The following UTP14A variants were observed in gnomAD, a reference collection of about 807,000 sequenced individuals.
The protein encoded by UTP14A is UTP14A small subunit processome component.
UTP14A carries 5 observed loss-of-function variants against 57.2 expected under a neutral mutation model. The ratio of observed to expected loss-of-function variants is 0.09; its 90% CI spans 0.05 to 0.18. The LOEUF is 0.18. Among genes scored for constraint, UTP14A ranks in the 10% least tolerant of loss-of-function variants. The pLI is 1.00. For missense variants in UTP14A, 430 were observed against 562.1 expected, an observed-to-expected ratio of 0.76 and a Z score of 2.38; for synonymous variants, 169 against 210.9, an observed-to-expected ratio of 0.80 and a Z score of 1.72.
chrX:129,925,256 A>G, intron 12 of UTP14A, 61 bp downstream of exon 12: 1 of 1,159,146 alleles, frequency 8.6e-7, no homozygotes, highest in Non-Finnish European at 1.2e-6. Flanking sequence ...GCAAGGAGTA[A>G]TGAAGCTTTG....
chrX:129,929,196 T>C (rs1340654235), intron 14 of UTP14A, 140 bp from the exon 15 acceptor site: 2 of 785,281 alleles, frequency 2.5e-6, no homozygotes, highest in South Asian at 2.7e-5. Flanking sequence ...TGGGACGCCT[T>C]GACCTCTCAG....
chrX:129,911,685 C>T, intron 5 of UTP14A, 81 bp from the exon 6 acceptor site: 1 of 1,100,313 alleles, frequency 9.1e-7, no homozygotes, highest in South Asian at 2.0e-5. Flanking sequence ...AGAAATGTTG[C>T]TTCCTAATTT....
chrX:129,919,757 T>G (rs763202404), intron 8 of UTP14A, among the ~76,000 whole-genome samples: 1 of 112,178 alleles, frequency 8.9e-6, no homozygotes, highest in Admixed American at 9.5e-5. Context: ...TTAAGGCCAA[T>G]AGGGCTTCCT....
chrX:129,920,782 T>G lies in UTP14A; in HGVS notation c.954+30T>G, dbSNP rs766888817. 9.1e-6 allele frequency: 11 copies of G among 1,211,197 alleles called. No homozygotes were observed. The East Asian group carries it at 3.3e-4, about 36-fold the overall frequency. On this transcript the variant is annotated intron_variant, in intron 10 of 14. Coordinates refer to ENST00000394422, the MANE Select transcript of UTP14A (RefSeq NM_006649.4). Reference sequence around the variant, plus strand: ...GAGACCCTTGGGGTGAGAGAAGATCTGGAATTGGAGGATGCTAGCAGAAGC... The same window carrying G: ...GAGACCCTTGGGGTGAGAGAAGATCGGGAATTGGAGGATGCTAGCAGAAGC...
chrX:129,910,298 A>G (rs1055544397), intron 4 of UTP14A, among the ~76,000 whole-genome samples: 1 of 111,879 alleles, frequency 8.9e-6, no homozygotes, highest in Non-Finnish European at 1.9e-5. Context: ...TCATAGGACC[A>G]TGTCCTTTAG....
At chrX:129,910,904 C>A in intron 4 of UTP14A, 104 bp from the exon 5 acceptor site, 1 of 1,008,772 alleles carries the variant, frequency 9.9e-7, no homozygotes, top group Non-Finnish European at 1.3e-6. Context: ...TGCTTCTCTG[C>A]ACATTTGCCA....
intron 12 of UTP14A, among the ~76,000 whole-genome samples, chrX:129,925,469 T>C (rs1011375709): frequency 8.0e-5 from 9 of 111,881 alleles, no homozygotes; most frequent in African/African-American, 2.9e-4. Context: ...TCTGACCAGA[T>C]CCCAGGCAGG....
Position 129,925,935 on chromosome X carries a change from G to T in UTP14A, c.1766G>T (p.Arg589Ile), listed in dbSNP as rs1168345206. 7.4e-6 allele frequency: 9 copies of T among 1,211,132 alleles called. No individual in the cohort carries two copies. The highest frequency in any genetic ancestry group is 1.0e-5 in the Non-Finnish European group (9 of 895,413). The change falls in exon 13 of 15, where the codon AGA becomes ATA. Residue 589 changes from arginine (R) to isoleucine (I), a missense_variant. Physicochemically the swap from Arg to Ile is moderately conservative, Grantham distance 97 (BLOSUM62 -3). Transcript: ENST00000394422. ...TCTTCCCAGGAAGATGAAGAGGAGA[G>T]AAACCATAGGCAGATGATAAAGGAA... ...TIEELEDEEE[R>I]NHRQMIKEAF...
chrX:129,921,560 G>A lies in UTP14A; in HGVS notation c.1321G>A (p.Glu441Lys), dbSNP rs1201126907. The change falls in exon 11 of 15, where the codon GAG (glutamate) becomes AAG (lysine). Residue 441 changes from glutamate to lysine, a missense_variant. Transcript: ENST00000394422. ...RKRSELSQDA[E>K]PAGSQETKDS... ...AAGATCTGAGCTCAGCCAAGATGCT[G>A]AGCCAGCAGGCAGTCAAGAAACAAA... The A allele has an allele frequency of 5.8e-6, 7 of 1,208,093 alleles. No homozygotes were observed. Among genetic ancestry groups the A allele is most frequent in the Middle Eastern group, 4.6e-4 (2 of 4,368 alleles).
At chrX:129,908,276 A>G in intron 3 of UTP14A, 146 bp downstream of exon 3, 2 of 484,278 alleles carry the variant, frequency 4.1e-6, no homozygotes, top group Non-Finnish European at 6.9e-6. Flanking sequence ...GTTAGCTGTT[A>G]TTAGTCTTAG....
intron 14 of UTP14A, among the ~76,000 whole-genome samples, chrX:129,928,212 T>TAA (rs371052944): frequency 1.1e-5 from 1 of 93,537 alleles, no homozygotes; most frequent in African/African-American, 3.9e-5. Context: ...CCATCTCTAC[T>TAA]AAAAAAAAAA....
At chrX:129,925,775 G>A in intron 12 of UTP14A, 144 bp from the exon 13 acceptor site, 1 of 691,233 alleles carries the variant, frequency 1.4e-6, no homozygotes, top group African/African-American at 2.2e-5. Flanking sequence ...ATGATTGGCT[G>A]TGCACTGGTT....
chrX:129,910,066 G>A (rs1258415021), intron 4 of UTP14A, among the ~76,000 whole-genome samples: 1 of 111,874 alleles, frequency 8.9e-6, no homozygotes, highest in Non-Finnish European at 1.9e-5. Context: ...GGTCATGAAA[G>A]GCCCCTGAAG....
intron 11 of UTP14A, among the ~76,000 whole-genome samples, chrX:129,923,240 G>A (rs1237495517): frequency 8.9e-6 from 1 of 112,177 alleles, no homozygotes; most frequent in Non-Finnish European, 1.9e-5. Context: ...GGCAACTTGA[G>A]TCAATGAAAA....
chrX:129,925,052 C>G lies in UTP14A; in HGVS notation c.1606C>G (p.Gln536Glu). ...GCTTCCCAGACCTGTGTTAGAAGGG[C>G]AGCAGTCAGAGAGGACCCCAAATAA... ...KELPRPVLEG[Q>E]QSERTPNNRP... The change falls in exon 12 of 15, where the codon CAG becomes GAG. Residue 536 changes from glutamine to glutamate, a missense_variant. Physicochemically the swap from Gln to Glu is conservative, Grantham distance 29. Transcript: ENST00000394422. 1 of 1,211,468 alleles carries G rather than the reference C, an allele frequency of 8.3e-7. No homozygotes were observed. The highest frequency in any genetic ancestry group is 1.8e-5 in the South Asian group (1 of 56,940).
intron 11 of UTP14A, chrX:129,923,103 C>G (rs1471812056): frequency 8.9e-6 from 1 of 112,231 alleles, no homozygotes; most frequent in East Asian, 2.8e-4. Flanking sequence ...AAGCCACGGA[C>G]CCCAGTGAAA....
chrX:129,918,424 C>T (rs752705945), intron 6 of UTP14A, among the ~76,000 whole-genome samples: 35 of 108,184 alleles, frequency 3.2e-4, no homozygotes, highest in African/African-American at 1.2e-3. Flanking sequence ...AAACTAACCG[C>T]CCCTTCCCTC....
chrX:129,916,531 G>A (rs1490064689), intron 6 of UTP14A, among the ~76,000 whole-genome samples: 1 of 111,180 alleles, frequency 9.0e-6, no homozygotes, highest in East Asian at 2.8e-4. Flanking sequence ...CTTATACAGG[G>A]GGCTAGACCT....
intron 14 of UTP14A, among the ~76,000 whole-genome samples, chrX:129,927,996 C>T (rs1434724033): frequency 9.0e-6 from 1 of 110,913 alleles, no homozygotes; most frequent in African/African-American, 3.3e-5. Context: ...CATCACTTCC[C>T]CCCTCTAAGC....
Sources: allele counts gnomAD v4.1 joint callset (sites outside exome capture counted in the v4.1 genomes callset), GRCh38; gene constraint gnomAD v4.1.1; transcripts MANE v1.5; gene names NCBI Gene and HGNC (gene_info 2026-07-23, HGNC 2026-07-21).